Variants in FAM149B1 observed in about 807,000 individuals in gnomAD.
The protein encoded by FAM149B1 is family with sequence similarity 149 member B1.
Under a neutral mutation model 75.3 loss-of-function variants are expected in FAM149B1, and 56 were observed. That is an observed-to-expected ratio of 0.74 (90% confidence interval 0.60 to 0.93). FAM149B1 has a LOEUF of 0.93. Among genes scored for constraint, FAM149B1 ranks in the 40% least tolerant of loss-of-function variants. FAM149B1 has a pLI of 0.00. For synonymous variants in FAM149B1, 259 were observed against 256.1 expected (o/e 1.01, Z -0.11); for missense variants, 639 against 708.4 (o/e 0.90, Z 1.11).
At chr10:73,203,645 T>A (rs758207503) in intron 5 of FAM149B1, among the ~76,000 whole-genome samples, 9 of 147,750 alleles carry the variant, frequency 6.1e-5, no homozygotes, top group African/African-American at 9.8e-5. Flanking sequence ...TGATCATAAT[T>A]TTTTTTTTTT....
In FAM149B1 at chr10:73,244,203, A is replaced by C; in HGVS notation, c.*3184A>C. The C allele has an allele frequency of 2.5e-6, 1 of 396,460 alleles. No homozygotes were observed. The highest frequency in any genetic ancestry group is 4.5e-6 in the Non-Finnish European group (1 of 220,538). 24.6% of individuals were successfully genotyped at this position (396,460 alleles called of 1,614,324 possible). A position where few individuals can be genotyped will look rare whatever the true frequency, so the allele number is the denominator to read the frequency against. On this transcript the variant is annotated 3_prime_UTR_variant, in exon 14 of 14. Transcript: ENST00000242505. The stretch of plus-strand genomic sequence containing the variant: ...CACTCATAAATCACATGATGATAAA[A>C]AGGAACATGAGGCCGGGTATGGTGG...
In FAM149B1 at chr10:73,195,879, T is replaced by C. The variant is rs181994149; in HGVS notation, c.542+2286T>C. Among the ~76,000 whole-genome samples, 3 of 152,336 alleles carry C rather than the reference T, an allele frequency of 2.0e-5. No individual in the cohort carries two copies. In the East Asian group the frequency reaches 5.8e-4, roughly 29 times the overall value. ...TTAGAAGAAACAAATTATCCAGGTATATTAGCACACCACTACTTATTGGAA... is the reference window on the plus strand; with the variant it reads ...TTAGAAGAAACAAATTATCCAGGTACATTAGCACACCACTACTTATTGGAA... On this transcript the variant is annotated intron_variant, in intron 5 of 13. Transcript: ENST00000242505.
chr10:73,177,020 C>G (rs1468600188), intron 2 of FAM149B1, among the ~76,000 whole-genome samples: 1 of 151,532 alleles, frequency 6.6e-6, no homozygotes, highest in African/African-American at 2.4e-5. Context: ...AGCGAGACTC[C>G]ATCTCAAAAA....
Position 73,210,266 on chromosome 10 carries a change from T to C in FAM149B1, c.726T>C (p.His242=). Residue 242 remains histidine (H), a synonymous_variant, in exon 7 of 14, where the codon CAT becomes CAC. Transcript: ENST00000242505. ...FDHIDIEEGF[H]GKKSEAATEK... The stretch of plus-strand genomic sequence containing the variant: ...TCTGTTACAGAGAAGAGGGATTTCA[T>C]GGGAAGAAATCAGAAGCAGCTACAG... 3 of 1,550,606 alleles carry C rather than the reference T, an allele frequency of 1.9e-6. No individual in the cohort carries two copies. Among genetic ancestry groups the C allele is most frequent in the Non-Finnish European group, 2.6e-6 (3 of 1,146,070 alleles).
Position 73,233,014 on chromosome 10 carries a change from T to A in FAM149B1, c.1203T>A (p.Ala401=). The part of the protein sequence containing the change: ...ILSTRNWPNR[A]VEFSTSSLSY... ...CAACTCGAAATTGGCCAAATCGAGC[T>A]GTGGAGTTTAGTACATCATCTCTGT... Residue 401 remains alanine (A), a synonymous_variant, in exon 10 of 14, where the codon GCT becomes GCA. Coordinates refer to ENST00000242505, the MANE Select transcript of FAM149B1 (RefSeq NM_173348.2). The A allele has an allele frequency of 6.4e-7, 1 of 1,551,972 alleles. No homozygotes were observed. The highest frequency in any genetic ancestry group is 8.7e-7 in the Non-Finnish European group (1 of 1,147,010).
chr10:73,239,652 C>CTTTTT (rs34824883), intron 13 of FAM149B1, among the ~76,000 whole-genome samples: 4 of 140,558 alleles, frequency 2.8e-5, no homozygotes, highest in African/African-American at 1.0e-4. Flanking sequence ...GGTAAACTGC[C>CTTTTT]TTTTTTTTTT....
intron 7 of FAM149B1, among the ~76,000 whole-genome samples, chr10:73,222,570 G>A (rs570735203): frequency 2.0e-5 from 3 of 152,140 alleles, no homozygotes; most frequent in African/African-American, 4.8e-5. Context: ...CTATGAATCC[G>A]AGCTGCCTTG....
intron 3 of FAM149B1, among the ~76,000 whole-genome samples, chr10:73,179,422 TTCTG>T (rs10634219): frequency 1.3e-5 from 2 of 151,758 alleles, no homozygotes; most frequent in Admixed American, 1.3e-4. Context: ...GGCTCTTTCT[TTCTG>T]TCTTTTCTTT....
Position 73,244,470 on chromosome 10 carries a change from T to C in FAM149B1, c.*3451T>C, listed in dbSNP as rs1319819433. ...GTGATCATGCCTCTGCACTCCAGCC[T>C]GGGTGATGGAGATGCCATCTCTTAG... On this transcript the variant is annotated 3_prime_UTR_variant, in exon 14 of 14. Transcript: ENST00000242505. 1 of 147,266 alleles carries C rather than the reference T, an allele frequency of 6.8e-6. No individual in the cohort carries two copies. Among genetic ancestry groups the C allele is most frequent in the East Asian group, 2.0e-4 (1 of 5,020 alleles). 9.1% of individuals were successfully genotyped at this position (147,266 alleles called of 1,614,324 possible). A position where few individuals can be genotyped will look rare whatever the true frequency, so the allele number is the denominator to read the frequency against.
intron 7 of FAM149B1, 59 bp downstream of exon 7, chr10:73,210,497 C>G: frequency 8.0e-7 from 1 of 1,244,582 alleles, no homozygotes; most frequent in Non-Finnish European, 1.1e-6. Context: ...TAAACCCTAA[C>G]CAGTCTATTA....
chr10:73,168,192 G>C lies in FAM149B1; in HGVS notation c.-148G>C, dbSNP rs1044078326. The C allele has an allele frequency of 1.3e-6, 1 of 787,100 alleles. No homozygotes were observed. The highest frequency in any genetic ancestry group is 2.0e-6 in the Non-Finnish European group (1 of 504,518). 48.8% of individuals were successfully genotyped at this position (787,100 alleles called of 1,614,324 possible). ...GGGACCCTGGGGAGGTGGCTGCTCG[G>C]AGTCTAGGTGACGGGGCGAGACGGG... On this transcript the variant is annotated 5_prime_UTR_variant, in exon 1 of 14. Transcript: ENST00000242505.
At chr10:73,194,184 G>A (rs1033214717) in intron 5 of FAM149B1, among the ~76,000 whole-genome samples, 5 of 151,766 alleles carry the variant, frequency 3.3e-5, no homozygotes, top group African/African-American at 1.2e-4. Context: ...AATTTTGGAG[G>A]GGACAAATAT....
rs1329585237 is a variant in FAM149B1, at chr10:73,233,033, T to G, written c.1222T>G (p.Ser408Ala). 2 of 1,551,686 alleles carry G rather than the reference T, an allele frequency of 1.3e-6. No homozygotes were observed. The highest frequency in any genetic ancestry group is 1.7e-6 in the Non-Finnish European group (2 of 1,146,892). Residue 408 changes from serine (S) to alanine (A), a missense_variant, in exon 10 of 14, where the codon TCT (serine) becomes GCT (alanine). Physicochemically the swap from Ser to Ala is moderately conservative, Grantham distance 99. Coordinates refer to ENST00000242505, the MANE Select transcript of FAM149B1 (RefSeq NM_173348.2). ...TCGAGCTGTGGAGTTTAGTACATCATCTCTGTCATACACAGTGCAGTCCAC... is the reference window on the plus strand; with the variant it reads ...TCGAGCTGTGGAGTTTAGTACATCAGCTCTGTCATACACAGTGCAGTCCAC... ...PNRAVEFSTS[S>A]LSYTVQSTRR...
intron 13 of FAM149B1, 21 bp from the exon 14 acceptor site, chr10:73,240,925 T>C (rs1249544198): frequency 7.0e-7 from 1 of 1,421,980 alleles, no homozygotes; most frequent in Admixed American, 2.0e-5. Context: ...TCTACTAATG[T>C]TACTCTATGT....
Position 73,241,174 on chromosome 10 carries a change from A to AT in FAM149B1, c.*156dup, listed in dbSNP as rs1348194225. 2 of 610,196 alleles carry AT rather than the reference A, an allele frequency of 3.3e-6. No homozygotes were observed. The highest frequency in any genetic ancestry group is 5.9e-6 in the Non-Finnish European group (2 of 337,308). The allele number at this position is 610,196 out of a possible 1,614,324, so 37.8% of individuals were successfully genotyped here. A position where few individuals can be genotyped will look rare whatever the true frequency, so the allele number is the denominator to read the frequency against. The stretch of plus-strand genomic sequence containing the variant: ...ACAAGTGACCGAAGAACAAAACACC[A>AT]TAGCAGCCAAAAATGACATGAGTGT... On this transcript the variant is annotated 3_prime_UTR_variant, in exon 14 of 14. Coordinates refer to ENST00000242505, the MANE Select transcript of FAM149B1 (RefSeq NM_173348.2).
chr10:73,238,239 C>T (rs1482450506), intron 12 of FAM149B1, among the ~76,000 whole-genome samples: 6 of 152,088 alleles, frequency 3.9e-5, no homozygotes, highest in Non-Finnish European at 7.4e-5. Flanking sequence ...CCCAGCTACT[C>T]GGGAGGCTAA....
intron 10 of FAM149B1, chr10:73,234,489 C>A: frequency 3.7e-6 from 1 of 267,570 alleles, no homozygotes; most frequent in Non-Finnish European, 7.2e-6. Flanking sequence ...TCAAGAATTC[C>A]ATCATCAGCT....
intron 7 of FAM149B1, among the ~76,000 whole-genome samples, chr10:73,226,750 T>A (rs1024385547): frequency 1.3e-5 from 2 of 152,258 alleles, no homozygotes; most frequent in African/African-American, 4.8e-5. Flanking sequence ...GTCATTACTT[T>A]TTATTATAAT....
At position 73,244,312 on chromosome 10, in the gene FAM149B1, A is replaced by C. The variant is rs1564723029; in HGVS notation, c.*3293A>C. 3 of 182,214 alleles carry C rather than the reference A, an allele frequency of 1.6e-5. No individual in the cohort carries two copies. The highest frequency in any genetic ancestry group is 3.4e-5 in the Non-Finnish European group (3 of 87,762). The allele number at this position is 182,214 out of a possible 1,614,324, so 11.3% of individuals were successfully genotyped here. On this transcript the variant is annotated 3_prime_UTR_variant, in exon 14 of 14. Coordinates refer to ENST00000242505, the MANE Select transcript of FAM149B1 (RefSeq NM_173348.2). ...GGAGTTCAAGACCTGCCTGGGTAAC[A>C]TAGTGAGACCTCAGTTCTATAAAAA...
Sources: gnomAD v4.1 joint callset for allele counts (sites outside exome capture counted in the v4.1 genomes callset) on GRCh38, gnomAD v4.1.1 for gene constraint, MANE v1.5 for transcripts, NCBI Gene and HGNC (gene_info 2026-07-23, HGNC 2026-07-21) for gene names.